C1QTNF6: variants seen among roughly 807,000 people sequenced by gnomAD.
The protein encoded by C1QTNF6 is C1q and TNF related 6.
Under a neutral mutation model 20.7 loss-of-function variants are expected in C1QTNF6, and 17 were observed. The ratio of observed to expected loss-of-function variants is 0.82; its 90% CI spans 0.56 to 1.23. C1QTNF6 has a LOEUF of 1.23. Ranked by LOEUF, C1QTNF6 falls within the 50% of genes most tolerant of loss-of-function variation. The probability of loss-of-function intolerance (pLI) is 0.00; values close to 1 mark genes in which losing one functional copy is unlikely to be tolerated. For synonymous variants in C1QTNF6, 130 were observed against 156.3 expected, an observed-to-expected ratio of 0.83 and a Z score of 1.25; for missense variants, 329 against 389.7, an observed-to-expected ratio of 0.84 and a Z score of 1.31.
upstream of C1QTNF6, among the ~76,000 whole-genome samples, chr22:37,189,045 C>T (rs1924633600): frequency 6.6e-6 from 1 of 152,208 alleles, no homozygotes; most frequent in Admixed American, 6.5e-5. Context: ...CTATGCTAAA[C>T]AGGGGTGGAT....
At chr22:37,182,813 G>A (rs1256745506) in intron 2 of C1QTNF6, 78 bp from the exon 3 acceptor site, 10 of 1,471,332 alleles carry the variant, frequency 6.8e-6, no homozygotes, top group African/African-American at 1.4e-5. Flanking sequence ...CATCTGTGAC[G>A]GCTCTGCCCC....
chr22:37,198,812 C>T (rs539594241), upstream of C1QTNF6, among the ~76,000 whole-genome samples: 2 of 152,152 alleles, frequency 1.3e-5, no homozygotes, highest in Admixed American at 1.3e-4. Context: ...CCCCACCCCC[C>T]ACACACAAAC....
rs1367399442 is a variant in C1QTNF6, at chr22:37,182,750, A to G, written c.290-15T>C. 1 of 1,579,104 alleles carries G rather than the reference A, an allele frequency of 6.3e-7. No individual in the cohort carries two copies. The highest frequency in any genetic ancestry group is 8.6e-7 in the Non-Finnish European group (1 of 1,164,088). The stretch of plus-strand genomic sequence containing the variant: ...CCCTTTGTCACCTGTGGGGATAAAA[A>G]GGGGACAAGTCAGGGTGGACATCTG... On this transcript the variant is annotated splice_polypyrimidine_tract_variant and intron_variant, in intron 2 of 2. Transcript: ENST00000337843.
chr22:37,190,745 A>G (rs1924767137), upstream of C1QTNF6: 1 of 152,146 alleles, frequency 6.6e-6, no homozygotes, highest in South Asian at 2.1e-4. Flanking sequence ...GCAAATAACT[A>G]TATTGCCGTA....
chr22:37,187,882 C>T (rs1924510215), intron 1 of C1QTNF6, among the ~76,000 whole-genome samples: 1 of 152,048 alleles, frequency 6.6e-6, no homozygotes, highest in Non-Finnish European at 1.5e-5. Context: ...TCCACTGGGA[C>T]CTCTTTGGGG....
In C1QTNF6 at chr22:37,184,049, G is replaced by T. The variant is rs1381178599; in HGVS notation, c.289+1169C>A. On this transcript the variant is annotated intron_variant, in intron 2 of 2. Transcript: ENST00000337843. The surrounding 1 kb of genome is among the most constrained non-coding windows in gnomAD (Gnocchi z 4.0). The stretch of plus-strand genomic sequence containing the variant: ...CAGGAGCAGTGACCCTGGGTTTGGG[G>T]AGGGCAATGAGGAGGGACCATCAGC... Among the ~76,000 whole-genome samples the T allele has an allele frequency of 6.6e-6, 1 of 152,106 alleles. No homozygotes were observed. The highest frequency in any genetic ancestry group is 1.9e-4 in the East Asian group (1 of 5,176).
At chr22:37,192,903 C>G (rs1379036126), upstream of C1QTNF6, among the ~76,000 whole-genome samples, 1 of 152,162 alleles carries the variant, frequency 6.6e-6, no homozygotes, top group African/African-American at 2.4e-5. Flanking sequence ...CCAGGAAAGC[C>G]TGCAGTTTCT....
chr22:37,185,705 G>T (rs145965547), intron 1 of C1QTNF6: 7 of 1,191,266 alleles, frequency 5.9e-6, no homozygotes, highest in East Asian at 8.2e-5. Context: ...GTCCATGGAG[G>T]CTTCTGCTCC....
rs1214511402 is a variant in C1QTNF6, at chr22:37,182,685, C to T, written c.340G>A (p.Glu114Lys). The T allele has an allele frequency of 2.5e-6, 4 of 1,612,846 alleles. No individual in the cohort carries two copies. In the African/African-American group the frequency reaches 5.3e-5, roughly 21 times the overall value. Residue 114 changes from glutamate (E) to lysine (K), a missense_variant, in exon 3 of 3, where the codon GAG (glutamate) becomes AAG (lysine). Glu to Lys is a moderately conservative substitution (Grantham distance 56, BLOSUM62 1). Transcript: ENST00000337843. ...PMGLPGYMGR[E>K]GPQGEPGPQG... ...GGGCCAGGCTCCCCTTGGGGACCCT[C>T]CCTGCCCATGTACCCTGGCAGGCCC...
chr22:37,194,838 A>G (rs1169988267), intron 2 of C1QTNF6, among the ~76,000 whole-genome samples: 1 of 152,212 alleles, frequency 6.6e-6, no homozygotes, highest in Non-Finnish European at 1.5e-5. Context: ...GCAAGATGGA[A>G]GAGTGGAGAG....
upstream of C1QTNF6, chr22:37,188,283 A>AGGAGTGAGAGAGGAGGGGAT: frequency 8.7e-7 from 1 of 1,153,062 alleles, no homozygotes; most frequent in Non-Finnish European, 1.2e-6. Context: ...GGCCCAGCAG[A>AGGAGTGAGAGAGGAGGGGAT]GGAGGGAGAG....
chr22:37,182,943 AGTGACTCACC>A, intron 2 of C1QTNF6: 1 of 1,426,558 alleles, frequency 7.0e-7, no homozygotes, highest in East Asian at 2.5e-5. Flanking sequence ...AGAGAGGGTG[AGTGACTCACC>A]CCGGGCCACA....
chr22:37,182,444 C>A lies in C1QTNF6; in HGVS notation c.581G>T (p.Ser194Ile). 6.2e-7 allele frequency: 1 copy of A among 1,614,268 alleles called. No homozygotes were observed. Among genetic ancestry groups the A allele is most frequent in the Non-Finnish European group, 8.5e-7 (1 of 1,180,042 alleles). The change falls in exon 3 of 3, where the codon AGC becomes ATC. Residue 194 changes from serine (S) to isoleucine (I), a missense_variant. Ser to Ile is a moderately radical substitution (Grantham distance 142). Coordinates refer to ENST00000337843, the MANE Select transcript of C1QTNF6 (RefSeq NM_031910.4). ...GTAATTCCAGCTGTGCACATTGAGG[C>A]TGAAGAAGTAGATGCCACGCAGGGG... is the stretch of plus-strand genomic sequence containing the variant. The part of the protein sequence containing the change: ...AAPLRGIYFF[S>I]LNVHSWNYKE...
upstream of C1QTNF6, among the ~76,000 whole-genome samples, chr22:37,199,003 G>A (rs1215591375): frequency 6.6e-6 from 1 of 152,234 alleles, no homozygotes; most frequent in Non-Finnish European, 1.5e-5. Flanking sequence ...TACAAAAGGG[G>A]AAACTGAGTC....
At chr22:37,193,078 G>A (rs1384711284), upstream of C1QTNF6, among the ~76,000 whole-genome samples, 1 of 152,104 alleles carries the variant, frequency 6.6e-6, no homozygotes, top group African/African-American at 2.4e-5. Context: ...TTTCTAGGTG[G>A]CCAAGAGCAT....
chr22:37,197,838 T>C (rs1268753942), upstream of C1QTNF6: 1 of 152,312 alleles, frequency 6.6e-6, no homozygotes, highest in East Asian at 1.9e-4. Flanking sequence ...GCTGGTCAGG[T>C]GGCCTGAAAA....
chr22:37,196,201 C>T (rs191402917), intron 1 of C1QTNF6: 1 of 152,306 alleles, frequency 6.6e-6, no homozygotes, highest in African/African-American at 2.4e-5. Flanking sequence ...GCCATTGTTA[C>T]TGACTCACCC....
At chr22:37,189,151 T>C (rs1435978012), upstream of C1QTNF6, among the ~76,000 whole-genome samples, 1 of 152,204 alleles carries the variant, frequency 6.6e-6, no homozygotes, top group East Asian at 1.9e-4. Context: ...GACATTGCCA[T>C]GGTATTTGTA....
chr22:37,187,380 T>G (rs144975827), intron 1 of C1QTNF6, among the ~76,000 whole-genome samples: 2,525 of 152,222 alleles, frequency 0.017, 26 homozygotes, highest in Middle Eastern at 0.037. Flanking sequence ...TATGACCTCA[T>G]GAGAAAAGCT....
Sources: allele counts gnomAD v4.1 joint callset (sites outside exome capture counted in the v4.1 genomes callset), GRCh38; gene constraint gnomAD v4.1.1; non-coding constraint Gnocchi (gnomAD v3.1); transcripts MANE v1.5; gene names NCBI Gene and HGNC (gene_info 2026-07-23, HGNC 2026-07-21).